RHOU: variants seen among roughly 807,000 people sequenced by gnomAD.
RHOU encodes rho-related GTP-binding protein RhoU.
Under a neutral mutation model 12.6 loss-of-function variants are expected in RHOU, and 8 were observed. That is an observed-to-expected ratio of 0.64 (90% CI 0.37 to 1.15). RHOU has a LOEUF of 1.15. Ranked by LOEUF, RHOU falls within the 50% of genes most tolerant of loss-of-function variation. RHOU has a pLI of 0.01. For missense variants in RHOU, 258 were observed against 347.0 expected, an observed-to-expected ratio of 0.74 and a Z score of 2.04; for synonymous variants, 161 against 147.4, an observed-to-expected ratio of 1.09 and a Z score of -0.67.
chr1:228,673,533 A>C, the RHOU span, among the ~76,000 whole-genome samples: 1 of 152,168 alleles, frequency 6.6e-6, no homozygotes, highest in Non-Finnish European at 1.5e-5. Flanking sequence ...TGATTGGCTC[A>C]TGGGGACGGA....
At chr1:228,734,450 C>T (rs1447417631), upstream of RHOU, among the ~76,000 whole-genome samples, 3 of 152,190 alleles carry the variant, frequency 2.0e-5, no homozygotes, top group African/African-American at 7.2e-5. Context: ...GGCATTGCCA[C>T]TTACTAGCTT....
the RHOU span, among the ~76,000 whole-genome samples, chr1:228,712,848 AAAATAAAATAAAAT>A: frequency 5.8e-5 from 6 of 103,038 alleles, no homozygotes; most frequent in African/African-American, 2.3e-4. Context: ...AAAATAAAAT[AAAATAAAATAAAAT>A]AAAATAAAAT....
the RHOU span, among the ~76,000 whole-genome samples, chr1:228,664,668 T>C: frequency 6.6e-6 from 1 of 152,030 alleles, no homozygotes; most frequent in Non-Finnish European, 1.5e-5. Flanking sequence ...AGGTTTGTCC[T>C]TGTTGCCCAG....
chr1:228,647,340 G>T, the RHOU span, among the ~76,000 whole-genome samples: 9 of 152,234 alleles, frequency 5.9e-5, no homozygotes, highest in South Asian at 2.1e-4. Flanking sequence ...TGCAGAGTGC[G>T]CCCGCCCTTT....
the RHOU span, among the ~76,000 whole-genome samples, chr1:228,646,533 C>G: frequency 8.6e-6 from 1 of 116,248 alleles, no homozygotes; most frequent in Non-Finnish European, 1.8e-5. Context: ...CGCGCGGGGC[C>G]TTTCTCTCAC....
chr1:228,689,421 C>G, the RHOU span, among the ~76,000 whole-genome samples: 2 of 152,146 alleles, frequency 1.3e-5, no homozygotes, highest in African/African-American at 2.4e-5. Context: ...TAGCTGTAAT[C>G]AAGCTGAATC....
the RHOU span, among the ~76,000 whole-genome samples, chr1:228,672,841 C>T: frequency 1.3e-5 from 2 of 152,260 alleles, no homozygotes; most frequent in South Asian, 2.1e-4. Flanking sequence ...CCTAGTATTA[C>T]CCAGCAAGAG....
chr1:228,729,501 G>A, the RHOU span, among the ~76,000 whole-genome samples: 1 of 152,310 alleles, frequency 6.6e-6, no homozygotes, highest in Admixed American at 6.5e-5. Flanking sequence ...GAATGCACAT[G>A]TTCATGTATA....
At chr1:228,646,806 ACAC>A in the RHOU span, among the ~76,000 whole-genome samples, 4 of 151,238 alleles carry the variant, frequency 2.6e-5, no homozygotes, top group Non-Finnish European at 5.9e-5. Context: ...AGACGCACGC[ACAC>A]ACACACACGG....
the RHOU span, among the ~76,000 whole-genome samples, chr1:228,649,529 A>T: frequency 6.6e-6 from 1 of 152,206 alleles, no homozygotes; most frequent in Non-Finnish European, 1.5e-5. Context: ...AAATTCATGT[A>T]ACTGTCTGTA....
Position 228,737,075 on chromosome 1 carries a change from C to G in RHOU, c.263-598C>G, listed in dbSNP as rs1454829789. On this transcript the variant is annotated intron_variant, in intron 1 of 2. Coordinates refer to ENST00000366691, the MANE Select transcript of RHOU (RefSeq NM_021205.6). The surrounding 1 kb of genome is among the most constrained non-coding windows in gnomAD (Gnocchi z 4.1). ...TCCTGCTGCAGGCCTCTCCACACTC[C>G]CCGAGTCCCCGGATCCCAGTGGAAA... 2.6e-5 allele frequency among the ~76,000 whole-genome samples: 4 copies of G among 152,162 alleles called. No homozygotes were observed. The highest frequency in any genetic ancestry group is 9.7e-5 in the African/African-American group (4 of 41,422).
the RHOU span, among the ~76,000 whole-genome samples, chr1:228,671,712 C>CA: frequency 0.26 from 16,678 of 64,582 alleles, 2,361 homozygotes; most frequent in African/African-American, 0.31. Flanking sequence ...GACTCCATCT[C>CA]AAAAAAAAAA....
chr1:228,694,646 A>G, the RHOU span, among the ~76,000 whole-genome samples: 4 of 152,166 alleles, frequency 2.6e-5, no homozygotes, highest in African/African-American at 9.7e-5. Context: ...TGCAAAGGAC[A>G]TGATCTCATT....
the RHOU span, among the ~76,000 whole-genome samples, chr1:228,670,456 A>C: frequency 6.6e-6 from 1 of 152,228 alleles, no homozygotes; most frequent in East Asian, 1.9e-4. Flanking sequence ...GTCCCAATGG[A>C]AAATAAAACT....
the RHOU span, among the ~76,000 whole-genome samples, chr1:228,693,852 T>G: frequency 1.5e-4 from 23 of 152,192 alleles, no homozygotes; most frequent in Non-Finnish European, 3.1e-4. Context: ...TTAACCAAGG[T>G]AGTATTCTTT....
the RHOU span, among the ~76,000 whole-genome samples, chr1:228,646,553 A>G: frequency 8.1e-6 from 1 of 123,534 alleles, no homozygotes; most frequent in Admixed American, 8.5e-5. Context: ...CAACGCCCCC[A>G]CCACGGTCGC....
the RHOU span, among the ~76,000 whole-genome samples, chr1:228,653,137 C>G: frequency 0.012 from 1,814 of 152,226 alleles, 43 homozygotes; most frequent in African/African-American, 0.041. Context: ...ATTTGGCTAC[C>G]TAGCCTCAAG....
chr1:228,715,448 A>C, the RHOU span, among the ~76,000 whole-genome samples: 1 of 151,968 alleles, frequency 6.6e-6, no homozygotes, highest in African/African-American at 2.4e-5. Flanking sequence ...AATAATTTCT[A>C]GTTTTATTAC....
the RHOU span, among the ~76,000 whole-genome samples, chr1:228,689,814 T>C: frequency 1.3e-5 from 2 of 151,898 alleles, no homozygotes; most frequent in Non-Finnish European, 2.9e-5. Context: ...CTACCACCCC[T>C]AGTTCGTGGA....
Sources: allele counts gnomAD v4.1 joint callset (sites outside exome capture counted in the v4.1 genomes callset), GRCh38; gene constraint gnomAD v4.1.1; non-coding constraint Gnocchi (gnomAD v3.1); transcripts MANE v1.5; gene names NCBI Gene and HGNC (gene_info 2026-07-23, HGNC 2026-07-21).